The following DAB1 variants were observed in gnomAD, a reference collection of about 807,000 sequenced individuals.
DAB1 encodes DAB adaptor protein 1, also known as disabled homolog 1.
Under a neutral mutation model 64.6 loss-of-function variants are expected in DAB1, and 15 were observed. That is an observed-to-expected ratio of 0.23 (90% CI 0.16 to 0.36). The LOEUF is 0.36. Ranked by LOEUF, DAB1 falls within the 10% of genes least tolerant of loss-of-function variation. The pLI, the probability that DAB1 is intolerant of heterozygous loss-of-function variation, is 1.00. For synonymous variants in DAB1, 235 were observed against 251.9 expected (o/e 0.93, Z 0.64); for missense variants, 596 against 706.7 (o/e 0.84, Z 1.78).
At chr1:57,399,548 T>C (rs1009834963) in intron 1 of DAB1, among the ~76,000 whole-genome samples, 2 of 152,198 alleles carry the variant, frequency 1.3e-5, no homozygotes, top group African/African-American at 4.8e-5. Context: ...ATCCCAGTAA[T>C]CTGGAGAGTA....
chr1:58,266,967 C>G (rs1440369262), intron 4 of DAB1, among the ~76,000 whole-genome samples: 1 of 149,052 alleles, frequency 6.7e-6, no homozygotes, highest in Non-Finnish European at 1.5e-5. Flanking sequence ...TGCCTCTAAT[C>G]CCAGCACTTT....
chr1:57,102,328 G>A (rs916728444), intron 4 of DAB1, among the ~76,000 whole-genome samples: 3 of 152,134 alleles, frequency 2.0e-5, no homozygotes, highest in African/African-American at 7.2e-5. Flanking sequence ...TATTATGATG[G>A]CTTGAGATAA....
At position 57,015,015 on chromosome 1, in the gene DAB1, A is replaced by C; in HGVS notation, c.1312T>G (p.Cys438Gly). 8.1e-6 allele frequency: 13 copies of C among 1,614,158 alleles called. No individual in the cohort carries two copies. The highest frequency in any genetic ancestry group is 1.1e-5 in the Non-Finnish European group (13 of 1,180,010). Residue 438 changes from cysteine to glycine, a missense_variant, in exon 12 of 15, where the codon TGT becomes GGT. This residue lies in a region of DAB1 where 377 missense variants were observed against 400.4 expected (regional missense o/e 0.94). Transcript: ENST00000371236. ...SRKPDQPSLTCTSEAFSSYFN... is the reference protein window; with the variant it reads ...SRKPDQPSLTGTSEAFSSYFN... ...TAACTGGAGAAGGCCTCTGAGGTACAGGTGAGGGAGGGCTGGTCGGGTTTG... is the reference window on the plus strand; with the variant it reads ...TAACTGGAGAAGGCCTCTGAGGTACCGGTGAGGGAGGGCTGGTCGGGTTTG...
intron 4 of DAB1, among the ~76,000 whole-genome samples, chr1:58,204,371 C>T (rs1658148863): frequency 6.6e-6 from 1 of 152,148 alleles, no homozygotes; most frequent in South Asian, 2.1e-4. Context: ...TGCATCTATG[C>T]CCCCTGCATC....
intron 5 of DAB1, among the ~76,000 whole-genome samples, chr1:58,143,541 C>G (rs910463031): frequency 6.6e-6 from 1 of 152,074 alleles, no homozygotes; most frequent in African/African-American, 2.4e-5. Flanking sequence ...TGTTTGCATC[C>G]AAAGCTGTTT....
intron 5 of DAB1, among the ~76,000 whole-genome samples, chr1:58,115,677 T>C (rs1466034633): frequency 2.8e-5 from 2 of 70,284 alleles, no homozygotes; most frequent in Non-Finnish European, 5.3e-5. Context: ...GATGAGTTCA[T>C]ATCCTTTGTA....
intron 5 of DAB1, among the ~76,000 whole-genome samples, chr1:58,128,399 C>A (rs1653284554): frequency 7.1e-6 from 1 of 140,514 alleles, no homozygotes; most frequent in African/African-American, 2.7e-5. Context: ...ATCATGTCGT[C>A]TGCAAACAGG....
chr1:58,464,562 G>A (rs1332892340), intron 3 of DAB1, among the ~76,000 whole-genome samples: 1 of 152,184 alleles, frequency 6.6e-6, no homozygotes, highest in Admixed American at 6.5e-5. Context: ...CCTTGTACTA[G>A]CTGTGTGGCC....
intron 7 of DAB1, among the ~76,000 whole-genome samples, chr1:57,609,672 G>A (rs941361595): frequency 2.0e-5 from 3 of 152,134 alleles, no homozygotes; most frequent in Non-Finnish European, 2.9e-5. Flanking sequence ...ATTAAATAAA[G>A]TAACATGAAG....
At chr1:57,982,817 G>A (rs1439011581) in intron 5 of DAB1, among the ~76,000 whole-genome samples, 5 of 152,160 alleles carry the variant, frequency 3.3e-5, no homozygotes, top group Admixed American at 6.5e-5. Flanking sequence ...GGGGAAATAC[G>A]TAAGATGATA....
At chr1:57,059,683 G>T (rs1650184174) in intron 9 of DAB1, among the ~76,000 whole-genome samples, 1 of 151,922 alleles carries the variant, frequency 6.6e-6, no homozygotes, top group Non-Finnish European at 1.5e-5. Flanking sequence ...GCTTGGGCAA[G>T]TGGGATCAAC....
At chr1:57,302,129 G>A (rs1673712478) in intron 1 of DAB1, among the ~76,000 whole-genome samples, 1 of 152,098 alleles carries the variant, frequency 6.6e-6, no homozygotes, top group Non-Finnish European at 1.5e-5. Flanking sequence ...CTCCACAAAA[G>A]GATCTGTGCT....
chr1:58,259,424 T>G lies in DAB1; in HGVS notation n.309+83928A>C, dbSNP rs575786797. On this transcript the variant is annotated intron_variant and non_coding_transcript_variant, in intron 4 of 20. Transcript: ENST00000485760. ...GCTCAGTTCAGAGACTACTTTCTCT[T>G]GGAAGATTCCCATGATGCCTGAGCT... is the stretch of plus-strand genomic sequence containing the variant. 6.6e-5 allele frequency among the ~76,000 whole-genome samples: 10 copies of G among 152,332 alleles called. No homozygotes were observed. The South Asian group carries it at 2.1e-3, about 32-fold the overall frequency.
At chr1:58,146,350 TG>T (rs1654593928) in intron 5 of DAB1, among the ~76,000 whole-genome samples, 1 of 152,194 alleles carries the variant, frequency 6.6e-6, no homozygotes, top group East Asian at 1.9e-4. Context: ...TGTGTGTGCA[TG>T]TATGTGTGTG....
At chr1:58,150,513 C>T (rs2100731710) in exon 5 of DAB1, 1 of 151,692 alleles carries the variant, frequency 6.6e-6, no homozygotes, top group East Asian at 1.9e-4. Flanking sequence ...CAACTTGCCC[C>T]AAAGGATTTC....
At chr1:58,231,001 G>A (rs185834124) in intron 4 of DAB1, among the ~76,000 whole-genome samples, 1 of 152,328 alleles carries the variant, frequency 6.6e-6, no homozygotes, top group East Asian at 1.9e-4. Context: ...TAACCACACT[G>A]TGGCTATGCA....
chr1:58,015,435 C>G (rs1293184714), intron 5 of DAB1, among the ~76,000 whole-genome samples: 1 of 152,070 alleles, frequency 6.6e-6, no homozygotes, highest in Admixed American at 6.6e-5. Flanking sequence ...GGCTTTTCTC[C>G]GTGGCCACAA....
intron 7 of DAB1, among the ~76,000 whole-genome samples, chr1:57,601,169 G>T (rs1320756344): frequency 6.6e-6 from 1 of 152,072 alleles, no homozygotes; most frequent in African/African-American, 2.4e-5. Context: ...CACCTTTAGG[G>T]TCTCTATACT....
chr1:57,881,665 T>C (rs1222093264), intron 1 of DAB1, among the ~76,000 whole-genome samples: 1 of 152,324 alleles, frequency 6.6e-6, no homozygotes, highest in Middle Eastern at 3.4e-3. Context: ...CCTTTCTCTT[T>C]GAGCACCAAG....
Sources: gnomAD v4.1 joint callset for allele counts (sites outside exome capture counted in the v4.1 genomes callset) on GRCh38, gnomAD v4.1.1 for gene constraint, gnomAD v4.1.1 regional missense constraint, MANE v1.5 for transcripts, NCBI Gene and HGNC (gene_info 2026-07-23, HGNC 2026-07-21) for gene names.